The following KIF7 variants were observed in gnomAD, a reference collection of about 807,000 sequenced individuals.
The protein encoded by KIF7 is kinesin-like protein KIF7.
A neutral mutation model predicts 135.7 loss-of-function variants in KIF7; 104 were observed. The ratio of observed to expected loss-of-function variants is 0.77; its 90% CI spans 0.65 to 0.90. The LOEUF (loss-of-function observed/expected upper bound fraction) is 0.90, where lower values mean the gene tolerates loss of function less well. Ranked by LOEUF, KIF7 falls within the 40% of genes least tolerant of loss-of-function variation. The probability of loss-of-function intolerance (pLI) is 0.00; values close to 1 mark genes in which losing one functional copy is unlikely to be tolerated. For missense variants in KIF7, 2,005 were observed against 1,839.1 expected, an observed-to-expected ratio of 1.09 and a Z score of -1.65; for synonymous variants, 883 against 809.4, an observed-to-expected ratio of 1.09 and a Z score of -1.54.
chr15:89,623,195 A>G (rs539520593), downstream of KIF7, among the ~76,000 whole-genome samples: 6 of 152,346 alleles, frequency 3.9e-5, no homozygotes, highest in Non-Finnish European at 7.3e-5. Flanking sequence ...TGCCTGGCAC[A>G]TAGCAGGTGA....
chr15:89,627,774 TCCA>T (rs1457073908), downstream of KIF7: 1 of 152,586 alleles, frequency 6.6e-6, no homozygotes, highest in African/African-American at 2.4e-5. Context: ...GCTCATCGTT[TCCA>T]CCAAGAGTGC....
chr15:89,631,037 G>A lies in KIF7; in HGVS notation c.3111+458C>T, dbSNP rs374057072. 30 of 226,632 alleles carry A rather than the reference G, an allele frequency of 1.3e-4. No homozygotes were observed. The South Asian group carries it at 1.9e-3, about 14-fold the overall frequency. The allele number at this position is 226,632 out of a possible 1,614,324, so 14.0% of individuals were successfully genotyped here. A position where few individuals can be genotyped will look rare whatever the true frequency, so the allele number is the denominator to read the frequency against. ...CATAGAAAACGCACAGTAAAAATGC[G>A]GTGTTATAATTTTCTGGGAGCACCA... On this transcript the variant is annotated intron_variant, in intron 15 of 18. Coordinates refer to ENST00000394412, the MANE Select transcript of KIF7 (RefSeq NM_198525.3).
intron 17 of KIF7, 64 bp from the exon 18 acceptor site, chr15:89,629,186 T>TG (rs1290077237): frequency 8.2e-6 from 5 of 609,874 alleles, no homozygotes; most frequent in Non-Finnish European, 1.2e-5. Flanking sequence ...GCCAGGGCTG[T>TG]GGGGGTGGGG....
In KIF7 at chr15:89,629,758, CAG is replaced by C. The variant is rs1963632157; in HGVS notation, c.3319-187_3319-186del. ...AGTGCTCTAGTTATCTTCCAACGAT[CAG>C]AGCTGGCTCTCACCTTATCTGCTAT... is the stretch of plus-strand genomic sequence containing the variant. On this transcript the variant is annotated intron_variant, in intron 16 of 18. Coordinates refer to ENST00000394412, the MANE Select transcript of KIF7 (RefSeq NM_198525.3). 11 of 717,394 alleles carry C rather than the reference CAG, an allele frequency of 1.5e-5. No individual in the cohort carries two copies. The South Asian group carries it at 2.0e-4, about 13-fold the overall frequency. 44.4% of individuals were successfully genotyped at this position (717,394 alleles called of 1,614,324 possible).
Position 89,648,166 on chromosome 15 carries a change from G to A in KIF7, c.1443+89C>T, listed in dbSNP as rs903658463. On this transcript the variant is annotated intron_variant, in intron 5 of 18. Coordinates refer to ENST00000394412, the MANE Select transcript of KIF7 (RefSeq NM_198525.3). ...TGCCCTGCTAATGGGCAGGAGGCAGGGGCGCAGCTGCTGTCTGAAGACCCT... is the reference window on the plus strand; with the variant it reads ...TGCCCTGCTAATGGGCAGGAGGCAGAGGCGCAGCTGCTGTCTGAAGACCCT... The A allele has an allele frequency of 1.5e-5, 20 of 1,357,590 alleles. No homozygotes were observed. In the African/African-American group the frequency reaches 2.6e-4, roughly 17 times the overall value. The allele number at this position is 1,357,590 out of a possible 1,614,324, so 84.1% of individuals were successfully genotyped here.
downstream of KIF7, chr15:89,625,431 A>G (rs781049342): frequency 3.1e-6 from 5 of 1,614,006 alleles, no homozygotes; most frequent in East Asian, 4.5e-5. Context: ...AGGTCGGTGC[A>G]GACCTTCCTG....
rs3803530 is a variant in KIF7 at position 89,632,842 on chromosome 15, C to A, written c.2873G>T (p.Ser958Ile). Residue 958 changes from serine to isoleucine, a missense_variant, in exon 14 of 19, where the codon AGC becomes ATC. Ser to Ile is a moderately radical substitution (Grantham distance 142). Transcript: ENST00000394412. ...CACCTGGCTGGATCTCAGGCGCTTGCTCTCCAGCCCCGTCTTCTCCTGCAT... is the reference window on the plus strand; with the variant it reads ...CACCTGGCTGGATCTCAGGCGCTTGATCTCCAGCCCCGTCTTCTCCTGCAT... ...ALMQEKTGLE[S>I]KRLRSSQALN... 0.56 allele frequency: 895,588 copies of A among 1,605,504 alleles called. 253,262 individuals are homozygous for A. Among genetic ancestry groups the A allele is most frequent in the Non-Finnish European group, 0.59 (689,933 of 1,178,706 alleles).
At chr15:89,623,002 C>T (rs1963451646), downstream of KIF7, among the ~76,000 whole-genome samples, 1 of 152,272 alleles carries the variant, frequency 6.6e-6, no homozygotes, top group South Asian at 2.1e-4. Flanking sequence ...ACTGAGAGTC[C>T]CCTGACGGGA....
intron 10 of KIF7, among the ~76,000 whole-genome samples, chr15:89,643,070 C>G (rs1408852550): frequency 9.3e-6 from 1 of 108,084 alleles, no homozygotes; most frequent in African/African-American, 3.2e-5. Context: ...AGCAAACAGA[C>G]AAACCCCAAA....
At chr15:89,619,568 GA>G in intron 1 of KIF7, 1 of 834,730 alleles carries the variant, frequency 1.2e-6, no homozygotes, top group Non-Finnish European at 1.9e-6. Context: ...AGACACTTCA[GA>G]AGTCTCTTAA....
chr15:89,621,313 G>A, intron 1 of KIF7: 1 of 1,422,466 alleles, frequency 7.0e-7, no homozygotes, highest in South Asian at 1.4e-5. Flanking sequence ...GAGCCACCAT[G>A]CGTGGCTGGC....
intron 10 of KIF7, among the ~76,000 whole-genome samples, chr15:89,644,646 C>T (rs1963978766): frequency 6.6e-6 from 1 of 152,238 alleles, no homozygotes; most frequent in South Asian, 2.1e-4. Context: ...GATCACGCCA[C>T]TGCACTCCAG....
intron 11 of KIF7, among the ~76,000 whole-genome samples, chr15:89,637,882 G>A (rs1415491634): frequency 8.0e-6 from 1 of 125,178 alleles, no homozygotes; most frequent in Non-Finnish European, 1.8e-5. Flanking sequence ...GAGAATTTTA[G>A]ACCAATATCC....
Position 89,628,228 on chromosome 15 carries a change from ATAT to A in KIF7, c.*188_*190del. 1.6e-6 allele frequency: 1 copy of A among 611,528 alleles called. No individual in the cohort carries two copies. Among genetic ancestry groups the A allele is most frequent in the East Asian group, 2.7e-5 (1 of 36,472 alleles). 37.9% of individuals were successfully genotyped at this position (611,528 alleles called of 1,614,324 possible). A position where few individuals can be genotyped will look rare whatever the true frequency, so the allele number is the denominator to read the frequency against. On this transcript the variant is annotated 3_prime_UTR_variant, in exon 19 of 19. Transcript: ENST00000394412. Reference sequence around the variant, plus strand: ...ATGGAAGTAAGTGGTGGGAATTTGCATATTATTTTGTTAAATGAGGGTCCAGTT... The same window carrying A: ...ATGGAAGTAAGTGGTGGGAATTTGCATATTTTGTTAAATGAGGGTCCAGTT...
At chr15:89,622,790 A>G (rs762138699) in intron 1 of KIF7, among the ~76,000 whole-genome samples, 80 of 152,162 alleles carry the variant, frequency 5.3e-4, no homozygotes, top group Admixed American at 1.3e-3. Context: ...ATTGTTTTCT[A>G]TGCCTACAGG....
intron 6 of KIF7, 114 bp downstream of exon 6, chr15:89,647,482 C>G: frequency 1.1e-6 from 1 of 917,552 alleles, no homozygotes; most frequent in Non-Finnish European, 1.8e-6. Context: ...TGACTCTACA[C>G]CCCTACCCCG....
At chr15:89,626,670 A>G (rs1451300096), downstream of KIF7, among the ~76,000 whole-genome samples, 1 of 152,156 alleles carries the variant, frequency 6.6e-6, no homozygotes, top group East Asian at 1.9e-4. Context: ...ATAACCCCAG[A>G]GATCTGAGAC....
At chr15:89,638,568 C>G (rs1251146613) in intron 11 of KIF7, among the ~76,000 whole-genome samples, 2 of 145,808 alleles carry the variant, frequency 1.4e-5, no homozygotes, top group African/African-American at 5.6e-5. Flanking sequence ...AATAAAATAC[C>G]TAGGAATCCA....
upstream of KIF7, among the ~76,000 whole-genome samples, chr15:89,659,691 A>G (rs1157065766): frequency 6.6e-6 from 1 of 152,248 alleles, no homozygotes; most frequent in Non-Finnish European, 1.5e-5. Flanking sequence ...AAGTGATTAA[A>G]TTAGACAATA....
Sources: allele counts gnomAD v4.1 joint callset (sites outside exome capture counted in the v4.1 genomes callset), GRCh38; gene constraint gnomAD v4.1.1; transcripts MANE v1.5; gene names NCBI Gene and HGNC (gene_info 2026-07-23, HGNC 2026-07-21).